Variants in DSCAM observed in about 807,000 individuals in gnomAD.
DSCAM encodes DS cell adhesion molecule.
DSCAM carries 47 observed loss-of-function variants against 217.7 expected under a neutral mutation model. The ratio of observed to expected loss-of-function variants is 0.22; its 90% confidence interval spans 0.17 to 0.28. The LOEUF (loss-of-function observed/expected upper bound fraction) is 0.28. Among genes scored for constraint, DSCAM ranks in the 10% least tolerant of loss-of-function variants. The pLI, the probability that DSCAM is intolerant of heterozygous loss-of-function variation, is 1.00. For synonymous variants in DSCAM, 1,056 were observed against 1,015.3 expected (o/e 1.04, Z -0.76); for missense variants, 2,080 against 2,618.3 (o/e 0.79, Z 4.49).
intron 3 of DSCAM, among the ~76,000 whole-genome samples, chr21:40,486,925 T>C (rs1270799221): frequency 6.6e-6 from 1 of 152,068 alleles, no homozygotes; most frequent in South Asian, 2.1e-4. Flanking sequence ...TGCTCCTTCC[T>C]GGGTGCCAGT....
chr21:40,055,515 C>CA (rs2089000665), intron 29 of DSCAM, among the ~76,000 whole-genome samples: 1 of 152,182 alleles, frequency 6.6e-6, no homozygotes, highest in Admixed American at 6.5e-5. Flanking sequence ...GGCATATTGG[C>CA]ATATATGGTG....
intron 3 of DSCAM, among the ~76,000 whole-genome samples, chr21:40,398,916 A>G (rs2075207594): frequency 6.6e-6 from 1 of 152,102 alleles, no homozygotes; most frequent in Admixed American, 6.5e-5. Context: ...AAGAGGCAAT[A>G]TTGTTTTCTT....
intron 11 of DSCAM, among the ~76,000 whole-genome samples, chr21:40,225,062 C>T (rs904768430): frequency 6.6e-6 from 1 of 152,216 alleles, no homozygotes; most frequent in Non-Finnish European, 1.5e-5. Context: ...ACACCATACA[C>T]TCAGGTTGTG....
At position 40,144,068 on chromosome 21, in the gene DSCAM, T is replaced by C. The variant is rs888021524; in HGVS notation, c.3259+423A>G. ...GTGCAATCTGAAAATTCCTTTTCTC[T>C]GTACTCAGAATGCTTGAAAATAGGA... is the stretch of plus-strand genomic sequence containing the variant. On this transcript the variant is annotated intron_variant, in intron 17 of 32. Coordinates refer to ENST00000400454, the MANE Select transcript of DSCAM (RefSeq NM_001389.5). The surrounding 1 kb of genome is among the most constrained non-coding windows in gnomAD (Gnocchi z 4.8). Among the ~76,000 whole-genome samples the C allele has an allele frequency of 6.6e-6, 1 of 152,050 alleles. No individual in the cohort carries two copies. The highest frequency in any genetic ancestry group is 2.4e-5 in the African/African-American group (1 of 41,460).
chr21:40,845,642 G>T (rs2092139334), intron 1 of DSCAM, among the ~76,000 whole-genome samples: 1 of 150,574 alleles, frequency 6.6e-6, no homozygotes, highest in Non-Finnish European at 1.5e-5. Context: ...CTGGCTAGGG[G>T]ATTCTGCTTA....
chr21:40,038,647 C>T (rs1332057851), intron 32 of DSCAM, among the ~76,000 whole-genome samples: 1 of 113,426 alleles, frequency 8.8e-6, no homozygotes, highest in African/African-American at 3.7e-5. Context: ...TACCATTTGA[C>T]CCAGCCATCC....
chr21:40,097,785 C>CA (rs1391530888), intron 20 of DSCAM, among the ~76,000 whole-genome samples: 1 of 151,136 alleles, frequency 6.6e-6, no homozygotes, highest in Admixed American at 6.6e-5. Flanking sequence ...ACTAAAAACA[C>CA]AAAAAATTAG....
chr21:40,340,663 T>C (rs367765270), intron 6 of DSCAM, among the ~76,000 whole-genome samples: 4 of 152,336 alleles, frequency 2.6e-5, no homozygotes, highest in African/African-American at 9.6e-5. Context: ...TAAAGGGTTG[T>C]CCCATAATGA....
At chr21:40,733,482 A>T (rs1161013067) in intron 1 of DSCAM, among the ~76,000 whole-genome samples, 1 of 152,166 alleles carries the variant, frequency 6.6e-6, no homozygotes, top group Non-Finnish European at 1.5e-5. Flanking sequence ...ATGCCATCTA[A>T]TGAGTAGAGG....
At chr21:40,075,517 A>G (rs2089353793) in intron 26 of DSCAM, among the ~76,000 whole-genome samples, 1 of 152,252 alleles carries the variant, frequency 6.6e-6, no homozygotes, top group Non-Finnish European at 1.5e-5. Flanking sequence ...AGCCACATGC[A>G]TCTACCCAGA....
chr21:40,234,305 C>A (rs1334100029), intron 11 of DSCAM, among the ~76,000 whole-genome samples: 1 of 152,178 alleles, frequency 6.6e-6, no homozygotes, highest in Admixed American at 6.6e-5. Flanking sequence ...AGTTCTGCAA[C>A]TTTGGACAAG....
At chr21:40,178,545 T>C (rs113678194) in intron 15 of DSCAM, among the ~76,000 whole-genome samples, 2,044 of 152,218 alleles carry the variant, frequency 0.013, 47 homozygotes, top group African/African-American at 0.047. Context: ...CATTACTGCT[T>C]CCTCCCACAC....
At chr21:40,796,374 T>C (rs1404475365) in intron 1 of DSCAM, among the ~76,000 whole-genome samples, 1 of 152,220 alleles carries the variant, frequency 6.6e-6, no homozygotes, top group Non-Finnish European at 1.5e-5. Flanking sequence ...ATTTGCACAC[T>C]TGTGGCCAAC....
chr21:40,015,475 G>T (rs2088141374), intron 32 of DSCAM, among the ~76,000 whole-genome samples: 1 of 150,932 alleles, frequency 6.6e-6, no homozygotes, highest in African/African-American at 2.4e-5. Flanking sequence ...TGTTGCCCAG[G>T]CTAGAGTGCA....
intron 16 of DSCAM, among the ~76,000 whole-genome samples, chr21:40,147,050 C>A (rs1328365042): frequency 1.3e-5 from 2 of 152,100 alleles, no homozygotes; most frequent in Non-Finnish European, 2.9e-5. Flanking sequence ...GATATAGTGA[C>A]CCAAATAAAA....
intron 3 of DSCAM, among the ~76,000 whole-genome samples, chr21:40,627,049 C>T (rs1248588914): frequency 6.6e-6 from 1 of 152,142 alleles, no homozygotes; most frequent in Non-Finnish European, 1.5e-5. Flanking sequence ...CAGCTGCCCC[C>T]TCAAGTAACA....
chr21:40,373,988 A>C (rs892201399), intron 3 of DSCAM, among the ~76,000 whole-genome samples: 3 of 152,252 alleles, frequency 2.0e-5, no homozygotes, highest in African/African-American at 7.2e-5. Context: ...CATCTACTGC[A>C]CAGCAGAGTG....
At chr21:40,698,542 GTGCC>G in intron 2 of DSCAM, among the ~76,000 whole-genome samples, 1 of 152,206 alleles carries the variant, frequency 6.6e-6, no homozygotes, top group South Asian at 2.1e-4. Context: ...TGCCCTGGGT[GTGCC>G]TGCCTAACAG....
At chr21:40,743,305 C>T (rs948597754) in intron 1 of DSCAM, among the ~76,000 whole-genome samples, 10 of 152,156 alleles carry the variant, frequency 6.6e-5, no homozygotes, top group Non-Finnish European at 1.2e-4. Flanking sequence ...CATTCAATAC[C>T]ATCTTGCCCA....
Sources: gnomAD v4.1 joint callset for allele counts (sites outside exome capture counted in the v4.1 genomes callset) on GRCh38, gnomAD v4.1.1 for gene constraint, Gnocchi (gnomAD v3.1) non-coding constraint, MANE v1.5 for transcripts, NCBI Gene and HGNC (gene_info 2026-07-23, HGNC 2026-07-21) for gene names.